The following WWOX variants were observed in gnomAD, a reference collection of about 807,000 sequenced individuals.
WWOX encodes WW domain-containing oxidoreductase.
Under a neutral mutation model 46.2 loss-of-function variants are expected in WWOX, and 69 were observed. That is an observed-to-expected ratio of 1.49 (90% CI 1.23 to 1.82). The LOEUF is 1.82. WWOX is among the 40% of genes most tolerant of loss of function. The pLI is 0.00. For missense variants in WWOX, 919 were observed against 542.6 expected, an observed-to-expected ratio of 1.69 and a Z score of -6.89; for synonymous variants, 359 against 202.6, an observed-to-expected ratio of 1.77 and a Z score of -6.56.
Position 78,506,728 on chromosome 16 carries a change from T to TTTTG in WWOX, c.1056+73976_1056+73977insTTTG, listed in dbSNP as rs1330915138. On this transcript the variant is annotated intron_variant, in intron 8 of 8. Coordinates refer to ENST00000566780, the MANE Select transcript of WWOX (RefSeq NM_016373.4). Reference sequence around the variant, plus strand: ...TTTTTTTTTTTTTTTTTTTTTTTTTTGTACAGAGTCTTGCTCTGTTGTCCA... The same window carrying TTTTG: ...TTTTTTTTTTTTTTTTTTTTTTTTTTTTTGGTACAGAGTCTTGCTCTGTTGTCCA... 1.6e-3 allele frequency among the ~76,000 whole-genome samples: 151 copies of TTTTG among 93,506 alleles called. 1 individual carries two copies. The highest frequency in any genetic ancestry group is 2.2e-3 in the African/African-American group (55 of 25,490). The allele number at this position is 93,506 out of a possible 152,430, so 61.3% of individuals were successfully genotyped here.
chr16:78,331,016 C>T (rs1426408625), intron 5 of WWOX, among the ~76,000 whole-genome samples: 2 of 152,090 alleles, frequency 1.3e-5, no homozygotes, highest in African/African-American at 2.4e-5. Context: ...TAAAGATTGG[C>T]GTTAAATTGA....
chr16:78,209,056 A>G (rs74027938), intron 5 of WWOX, among the ~76,000 whole-genome samples: 1 of 152,226 alleles, frequency 6.6e-6, no homozygotes, highest in African/African-American at 2.4e-5. Context: ...ATACATATGC[A>G]TATTTATGTG....
intron 8 of WWOX, among the ~76,000 whole-genome samples, chr16:78,833,523 G>C (rs182934814): frequency 6.6e-6 from 1 of 151,980 alleles, no homozygotes; most frequent in Non-Finnish European, 1.5e-5. Flanking sequence ...TACCTACAAC[G>C]TGCAGTGAGG....
chr16:79,173,384 G>T (rs1028249669), intron 8 of WWOX, among the ~76,000 whole-genome samples: 48 of 152,190 alleles, frequency 3.2e-4, no homozygotes, highest in Non-Finnish European at 7.3e-5. Context: ...GTGATTCTTA[G>T]GATGGCCCAC....
intron 8 of WWOX, among the ~76,000 whole-genome samples, chr16:78,582,631 C>G (rs75112454): frequency 0.033 from 5,049 of 152,202 alleles, 123 homozygotes; most frequent in Middle Eastern, 0.072. Context: ...GTTGATTGGT[C>G]CAACCTTAGC....
intron 5 of WWOX, among the ~76,000 whole-genome samples, chr16:78,166,382 C>T (rs534113130): frequency 2.8e-4 from 42 of 152,216 alleles, no homozygotes; most frequent in Middle Eastern, 3.4e-3. Flanking sequence ...GTCTTTCTTA[C>T]GATATCATCT....
chr16:78,299,028 G>A (rs553222384), intron 5 of WWOX, among the ~76,000 whole-genome samples: 104 of 152,262 alleles, frequency 6.8e-4, no homozygotes, highest in African/African-American at 2.5e-3. Flanking sequence ...GTTGCAGCCA[G>A]CATTCTGGTT....
intron 5 of WWOX, among the ~76,000 whole-genome samples, chr16:78,193,174 T>C (rs1597335369): frequency 6.6e-6 from 1 of 152,216 alleles, no homozygotes; most frequent in South Asian, 2.1e-4. Context: ...CATATATCAA[T>C]GGCAGTAGCC....
chr16:78,905,005 A>C (rs958261624), intron 8 of WWOX, among the ~76,000 whole-genome samples: 1 of 152,156 alleles, frequency 6.6e-6, no homozygotes, highest in Admixed American at 6.5e-5. Context: ...TAGTGTTATT[A>C]TAACTACAGA....
chr16:78,642,766 C>G (rs1435077541), intron 8 of WWOX, among the ~76,000 whole-genome samples: 7 of 152,008 alleles, frequency 4.6e-5, no homozygotes, highest in Admixed American at 4.6e-4. Flanking sequence ...CAGTGGGGAA[C>G]TCAGGGCGTG....
chr16:79,055,993 C>G (rs2048254884), intron 8 of WWOX, among the ~76,000 whole-genome samples: 1 of 152,050 alleles, frequency 6.6e-6, no homozygotes, highest in Non-Finnish European at 1.5e-5. Flanking sequence ...GATCTGTTGC[C>G]TAATCTTCTA....
intron 7 of WWOX, among the ~76,000 whole-genome samples, chr16:78,430,315 G>C (rs1197047692): frequency 2.6e-5 from 4 of 152,136 alleles, no homozygotes; most frequent in Admixed American, 6.5e-5. Flanking sequence ...AATTCAGTGT[G>C]AGATTTGGGT....
At chr16:79,178,600 A>T (rs2050849069) in intron 8 of WWOX, among the ~76,000 whole-genome samples, 1 of 152,148 alleles carries the variant, frequency 6.6e-6, no homozygotes, top group Admixed American at 6.5e-5. Flanking sequence ...TACAGTTGAG[A>T]GCCACCACAC....
intron 4 of WWOX, among the ~76,000 whole-genome samples, chr16:78,144,488 C>G (rs12933128): frequency 1.5e-4 from 1 of 6,814 alleles, no homozygotes; most frequent in Non-Finnish European, 2.4e-4. Flanking sequence ...TATATATATA[C>G]ACACACACAC....
At chr16:78,214,343 T>C (rs1213854030) in intron 5 of WWOX, among the ~76,000 whole-genome samples, 1 of 152,166 alleles carries the variant, frequency 6.6e-6, no homozygotes, top group East Asian at 1.9e-4. Flanking sequence ...TAAAAGGTGT[T>C]GGTTTGTAAT....
At chr16:78,942,284 C>G (rs141972453) in intron 8 of WWOX, among the ~76,000 whole-genome samples, 66 of 152,216 alleles carry the variant, frequency 4.3e-4, no homozygotes, top group African/African-American at 1.4e-3. Context: ...GCCAAGCCAT[C>G]TTGAAGAATT....
chr16:78,942,306 G>A (rs1320884252), intron 8 of WWOX, among the ~76,000 whole-genome samples: 4 of 152,078 alleles, frequency 2.6e-5, no homozygotes, highest in African/African-American at 9.7e-5. Context: ...TTCTTCATTT[G>A]TAAGGGGTTA....
chr16:78,554,759 T>G (rs1468899035), intron 8 of WWOX, among the ~76,000 whole-genome samples: 2 of 152,208 alleles, frequency 1.3e-5, no homozygotes, highest in East Asian at 3.9e-4. Context: ...TCCCTTCTTC[T>G]CTATTTCTGA....
intron 8 of WWOX, among the ~76,000 whole-genome samples, chr16:78,549,962 C>G (rs1597251061): frequency 6.6e-6 from 1 of 152,080 alleles, no homozygotes; most frequent in African/African-American, 2.4e-5. Flanking sequence ...GAGAGGAGGA[C>G]TGAAAATTCC....
Sources: gnomAD v4.1 joint callset for allele counts (sites outside exome capture counted in the v4.1 genomes callset) on GRCh38, gnomAD v4.1.1 for gene constraint, MANE v1.5 for transcripts, NCBI Gene and HGNC (gene_info 2026-07-23, HGNC 2026-07-21) for gene names.